The following CTNND2 variants were observed in gnomAD, a reference collection of about 807,000 sequenced individuals.
CTNND2 encodes catenin delta 2, also known as catenin delta-2.
A neutral mutation model predicts 144.4 loss-of-function variants in CTNND2; 22 were observed. That is an observed-to-expected ratio of 0.15 (90% CI 0.11 to 0.22). The LOEUF (loss-of-function observed/expected upper bound fraction) is 0.22. CTNND2 is among the 10% of genes least tolerant of loss of function. CTNND2 has a pLI of 1.00. For missense variants in CTNND2, 1,353 were observed against 1,618.8 expected (o/e 0.84, Z 2.82); for synonymous variants, 751 against 695.6 (o/e 1.08, Z -1.25).
chr5:11,463,869 A>G (rs1452246378), intron 3 of CTNND2, among the ~76,000 whole-genome samples: 1 of 151,630 alleles, frequency 6.6e-6, no homozygotes, highest in East Asian at 1.9e-4. Flanking sequence ...AAAAAAAAAG[A>G]TTTCATTTGA....
intron 10 of CTNND2, among the ~76,000 whole-genome samples, chr5:11,211,593 G>C (rs922195480): frequency 1.3e-5 from 2 of 152,200 alleles, no homozygotes; most frequent in Admixed American, 6.5e-5. Flanking sequence ...TGAGTGTGTT[G>C]ATAATCATCA....
intron 18 of CTNND2, among the ~76,000 whole-genome samples, chr5:11,009,736 T>C (rs1740862942): frequency 6.6e-6 from 1 of 152,246 alleles, no homozygotes; most frequent in African/African-American, 2.4e-5. Context: ...CTATATGGGA[T>C]TTCCCCTGAC....
chr5:11,269,164 A>C (rs981046541), intron 9 of CTNND2, among the ~76,000 whole-genome samples: 2 of 152,350 alleles, frequency 1.3e-5, no homozygotes, highest in South Asian at 4.1e-4. Flanking sequence ...CAGCTGTAAA[A>C]TGGAAAAATA....
intron 9 of CTNND2, among the ~76,000 whole-genome samples, chr5:11,316,465 TTTTTTATTATTATTATTATTA>T (rs1751490391): frequency 2.4e-5 from 2 of 83,476 alleles, no homozygotes; most frequent in Admixed American, 1.1e-4. Context: ...TTATCCACTA[TTTTTTATTATTATTATTATTA>T]TTATTATTAT....
chr5:11,105,898 G>A (rs1421788002), intron 14 of CTNND2, among the ~76,000 whole-genome samples: 2 of 152,180 alleles, frequency 1.3e-5, no homozygotes, highest in Admixed American at 1.3e-4. Flanking sequence ...CCAGCCAAGA[G>A]GAACGGGCGG....
At chr5:11,359,585 T>A (rs1756237948) in intron 8 of CTNND2, among the ~76,000 whole-genome samples, 1 of 152,212 alleles carries the variant, frequency 6.6e-6, no homozygotes, top group Non-Finnish European at 1.5e-5. Context: ...ATGCTGGCTC[T>A]GTCTCCCTCT....
intron 10 of CTNND2, among the ~76,000 whole-genome samples, chr5:11,210,518 A>G (rs1738518141): frequency 6.6e-6 from 1 of 152,264 alleles, no homozygotes; most frequent in Non-Finnish European, 1.5e-5. Context: ...TTGAGCATAA[A>G]TATCTACTTT....
intron 2 of CTNND2, among the ~76,000 whole-genome samples, chr5:11,637,450 C>T (rs554261260): frequency 6.6e-6 from 1 of 152,256 alleles, no homozygotes; most frequent in South Asian, 2.1e-4. Flanking sequence ...ATACCTTGCA[C>T]TTAATTTCCC....
At chr5:11,801,280 C>T (rs530821659) in intron 1 of CTNND2, among the ~76,000 whole-genome samples, 7 of 152,238 alleles carry the variant, frequency 4.6e-5, no homozygotes, top group Admixed American at 1.3e-4. Flanking sequence ...TAATAATGAG[C>T]AAACTCTTAC....
chr5:11,244,061 AG>A (rs1742730932), intron 9 of CTNND2, among the ~76,000 whole-genome samples: 1 of 152,198 alleles, frequency 6.6e-6, no homozygotes, highest in Non-Finnish European at 1.5e-5. Flanking sequence ...AAGAGGAAGT[AG>A]GTGATTTTGT....
chr5:11,423,146 G>A (rs538632899), intron 3 of CTNND2, among the ~76,000 whole-genome samples: 24 of 152,214 alleles, frequency 1.6e-4, no homozygotes, highest in African/African-American at 2.4e-4. Flanking sequence ...CCAGTTGACC[G>A]ATAGGTCTTA....
intron 9 of CTNND2, among the ~76,000 whole-genome samples, chr5:11,265,599 C>T (rs946145575): frequency 4.6e-5 from 7 of 151,694 alleles, no homozygotes; most frequent in South Asian, 2.1e-4. Context: ...ACTCTAGGAG[C>T]GTTTGACTGA....
intron 1 of CTNND2, among the ~76,000 whole-genome samples, chr5:11,889,478 A>G (rs570071573): frequency 4.6e-5 from 7 of 152,188 alleles, no homozygotes; most frequent in Non-Finnish European, 8.8e-5. Context: ...ACTACCTTAA[A>G]ATACTCGTTA....
chr5:11,217,634 C>T (rs1739332663), intron 10 of CTNND2, among the ~76,000 whole-genome samples: 1 of 152,054 alleles, frequency 6.6e-6, no homozygotes, highest in Non-Finnish European at 1.5e-5. Flanking sequence ...CAAGGCAGAC[C>T]CTTTTTATGT....
At chr5:11,834,605 C>T (rs1014647136) in intron 1 of CTNND2, among the ~76,000 whole-genome samples, 1 of 152,104 alleles carries the variant, frequency 6.6e-6, no homozygotes, top group African/African-American at 2.4e-5. Flanking sequence ...AAGATGCTTT[C>T]AAAGTACTCA....
chr5:11,623,781 C>T (rs1390523545), intron 2 of CTNND2, among the ~76,000 whole-genome samples: 1 of 120,832 alleles, frequency 8.3e-6, no homozygotes, highest in Non-Finnish European at 1.6e-5. Flanking sequence ...GAAGACCTAA[C>T]TATCGTAAAT....
At chr5:11,357,498 A>G (rs1756013373) in intron 8 of CTNND2, among the ~76,000 whole-genome samples, 1 of 152,138 alleles carries the variant, frequency 6.6e-6, no homozygotes, top group Admixed American at 6.5e-5. Flanking sequence ...TCATAGAAGC[A>G]GAGAGTAGAA....
chr5:11,365,080 C>T (rs1013023332), intron 7 of CTNND2, among the ~76,000 whole-genome samples, 190 bp from the exon 8 acceptor site: 1 of 152,192 alleles, frequency 6.6e-6, no homozygotes, highest in African/African-American at 2.4e-5. Context: ...CCTGGCTTTG[C>T]GACCAAACAT....
At chr5:11,510,196 C>A (rs549561725) in intron 3 of CTNND2, among the ~76,000 whole-genome samples, 32 of 152,260 alleles carry the variant, frequency 2.1e-4, no homozygotes, top group Admixed American at 1.2e-3. Flanking sequence ...CCTGCTTTGG[C>A]CTCCCAAACT....
Sources: gnomAD v4.1 joint callset for allele counts (sites outside exome capture counted in the v4.1 genomes callset) on GRCh38, gnomAD v4.1.1 for gene constraint, MANE v1.5 for transcripts, NCBI Gene and HGNC (gene_info 2026-07-23, HGNC 2026-07-21) for gene names.